MDGA2: variants seen among roughly 807,000 people sequenced by gnomAD.
MDGA2 encodes MAM domain-containing glycosylphosphatidylinositol anchor protein 2.
Under a neutral mutation model 117.8 loss-of-function variants are expected in MDGA2, and 40 were observed. The observed-to-expected ratio is 0.34, with a 90% CI of 0.26 to 0.44. The LOEUF is 0.44. MDGA2 is among the 20% of genes least tolerant of loss of function. The pLI, the probability that MDGA2 is intolerant of heterozygous loss-of-function variation, is 1.00. For synonymous variants in MDGA2, 452 were observed against 439.0 expected (o/e 1.03, Z -0.37); for missense variants, 1,123 against 1,250.6 (o/e 0.90, Z 1.54).
intron 1 of MDGA2, among the ~76,000 whole-genome samples, chr14:47,611,371 C>T (rs1896845145): frequency 1.3e-5 from 2 of 151,666 alleles, no homozygotes; most frequent in African/African-American, 4.8e-5. Context: ...ACTTAATTAA[C>T]CTAAAGAGCT....
intron 1 of MDGA2, among the ~76,000 whole-genome samples, chr14:47,510,889 C>T (rs549744980): frequency 2.6e-5 from 4 of 152,304 alleles, no homozygotes; most frequent in Middle Eastern, 3.4e-3. Context: ...GTGCTTTGCT[C>T]CCATAGTGTG....
chr14:47,393,691 G>A (rs969133091), intron 1 of MDGA2, among the ~76,000 whole-genome samples: 2 of 152,024 alleles, frequency 1.3e-5, no homozygotes, highest in African/African-American at 4.8e-5. Flanking sequence ...AAGCTTCAAA[G>A]GCCAATGAAA....
At chr14:47,595,424 C>T (rs541510807) in intron 1 of MDGA2, among the ~76,000 whole-genome samples, 48 of 151,756 alleles carry the variant, frequency 3.2e-4, no homozygotes, top group Non-Finnish European at 6.3e-4. Context: ...ATCCCAGCTA[C>T]TCGGGAGGCT....
At chr14:47,658,766 C>G (rs1897791181) in intron 1 of MDGA2, among the ~76,000 whole-genome samples, 1 of 152,188 alleles carries the variant, frequency 6.6e-6, no homozygotes, top group African/African-American at 2.4e-5. Flanking sequence ...GCTGCCTAAC[C>G]CAAATATATT....
chr14:47,036,216 G>A (rs1057159480), intron 7 of MDGA2, among the ~76,000 whole-genome samples: 2 of 132,366 alleles, frequency 1.5e-5, no homozygotes, highest in East Asian at 2.5e-4. Context: ...CTTGCAGTGA[G>A]TTGAGATTGC....
intron 10 of MDGA2, among the ~76,000 whole-genome samples, chr14:46,918,359 C>T (rs960522781): frequency 6.6e-6 from 1 of 152,150 alleles, no homozygotes; most frequent in East Asian, 1.9e-4. Context: ...AGTCAAGAAT[C>T]CTTATAGATA....
intron 8 of MDGA2, among the ~76,000 whole-genome samples, chr14:46,966,775 T>TTTTTTTTTTTTTTTTTGAG (rs1215743988): frequency 6.6e-6 from 1 of 152,068 alleles, no homozygotes; most frequent in African/African-American, 2.4e-5. Context: ...TTTTTGTATC[T>TTTTTTTTTTTTTTTTTGAG]ACTGGCTCAA....
At chr14:47,431,813 T>C (rs1351189699) in intron 1 of MDGA2, among the ~76,000 whole-genome samples, 1 of 152,086 alleles carries the variant, frequency 6.6e-6, no homozygotes, top group South Asian at 2.1e-4. Flanking sequence ...TTTTTTTAAA[T>C]GGCAGTTCAT....
chr14:47,611,666 C>T (rs1896851069), intron 1 of MDGA2, among the ~76,000 whole-genome samples: 1 of 152,098 alleles, frequency 6.6e-6, no homozygotes, highest in African/African-American at 2.4e-5. Context: ...TATCACTTTA[C>T]TCCTGCCAAA....
chr14:47,486,392 T>G (rs1894061784), intron 1 of MDGA2, among the ~76,000 whole-genome samples: 1 of 152,166 alleles, frequency 6.6e-6, no homozygotes, highest in Admixed American at 6.5e-5. Flanking sequence ...GTAACTAACT[T>G]GCTTTTGATT....
chr14:47,455,300 G>T (rs1197471766), intron 1 of MDGA2, among the ~76,000 whole-genome samples: 1 of 152,172 alleles, frequency 6.6e-6, no homozygotes, highest in Admixed American at 6.5e-5. Context: ...GAGGTCAGGA[G>T]TTCGAGACCA....
chr14:47,227,729 A>G (rs1248189709), intron 2 of MDGA2, among the ~76,000 whole-genome samples: 1 of 152,124 alleles, frequency 6.6e-6, no homozygotes, highest in Non-Finnish European at 1.5e-5. Context: ...ATTATGAATT[A>G]GACAAAATCT....
Position 46,951,685 on chromosome 14 carries a change from C to T in MDGA2, c.2089+5689G>A, listed in dbSNP as rs141497400. 3.2e-3 allele frequency among the ~76,000 whole-genome samples: 479 copies of T among 150,622 alleles called. 1 individual carries two copies. Among genetic ancestry groups the T allele is most frequent in the African/African-American group, 0.011 (453 of 40,492 alleles). On this transcript the variant is annotated intron_variant, in intron 9 of 16. Transcript: ENST00000399232. ...ACAACACAAAGAAATTAATTCTTCA[C>T]ATAACTTGAATAAGCTTGGAAGGGA...
At chr14:47,339,145 T>C (rs898924596) in intron 1 of MDGA2, among the ~76,000 whole-genome samples, 1 of 152,088 alleles carries the variant, frequency 6.6e-6, no homozygotes, top group African/African-American at 2.4e-5. Context: ...TCATATACTC[T>C]TCAAAGTACA....
At chr14:47,252,958 T>A (rs774685427) in intron 2 of MDGA2, among the ~76,000 whole-genome samples, 1 of 152,124 alleles carries the variant, frequency 6.6e-6, no homozygotes, top group Non-Finnish European at 1.5e-5. Flanking sequence ...CCTTCTCACA[T>A]GGTGGTACGA....
At chr14:47,080,534 T>C (rs1890671224) in intron 6 of MDGA2, among the ~76,000 whole-genome samples, 1 of 152,186 alleles carries the variant, frequency 6.6e-6, no homozygotes, top group Admixed American at 6.5e-5. Flanking sequence ...TTGTGCATCC[T>C]CCCTCACATT....
rs1491275347 is a variant in MDGA2 at position 47,119,181 on chromosome 14, C to CG, written c.925+12532_925+12533insC. Among the ~76,000 whole-genome samples, 4 of 58,358 alleles carry CG rather than the reference C, an allele frequency of 6.9e-5. 1 individual carries two copies. The highest frequency in any genetic ancestry group is 2.1e-4 in the African/African-American group (4 of 19,016). The allele number at this position is 58,358 out of a possible 152,430, so 38.3% of individuals were successfully genotyped here. On this transcript the variant is annotated intron_variant, in intron 5 of 16. Coordinates refer to ENST00000399232, the MANE Select transcript of MDGA2 (RefSeq NM_001113498.3). ...TTCTCCTGCCTCAGCCCCGCCCCCC[C>CG]CCCCCCACCCCGTAGCTGGGACTAC...
At chr14:46,999,487 A>AT (rs1419041670) in intron 8 of MDGA2, among the ~76,000 whole-genome samples, 2 of 151,994 alleles carry the variant, frequency 1.3e-5, no homozygotes, top group South Asian at 2.1e-4. Context: ...AAGAAAATAT[A>AT]TTTTTTGCAC....
chr14:46,845,194 T>C (rs1017616128), intron 16 of MDGA2, among the ~76,000 whole-genome samples: 1 of 152,154 alleles, frequency 6.6e-6, no homozygotes, highest in African/African-American at 2.4e-5. Context: ...ATCTGATGAT[T>C]TTATAAGGGG....
Sources: gnomAD v4.1 joint callset for allele counts (sites outside exome capture counted in the v4.1 genomes callset) on GRCh38, gnomAD v4.1.1 for gene constraint, MANE v1.5 for transcripts, NCBI Gene and HGNC (gene_info 2026-07-23, HGNC 2026-07-21) for gene names.